Variants in PRKCH observed in about 807,000 individuals in gnomAD.
The protein encoded by PRKCH is protein kinase C eta, also known as protein kinase C eta type.
PRKCH carries 28 observed loss-of-function variants against 82.5 expected under a neutral mutation model. The observed-to-expected ratio is 0.34, with a 90% confidence interval of 0.25 to 0.47. PRKCH has a LOEUF of 0.47. PRKCH is among the 20% of genes least tolerant of loss of function. The pLI, the probability that PRKCH is intolerant of heterozygous loss-of-function variation, is 1.00. For missense variants in PRKCH, 705 were observed against 881.8 expected (o/e 0.80, Z 2.54); for synonymous variants, 322 against 327.4 (o/e 0.98, Z 0.18).
intron 9 of PRKCH, among the ~76,000 whole-genome samples, chr14:61,461,182 G>A (rs1212273110): frequency 6.6e-6 from 1 of 152,152 alleles, no homozygotes; most frequent in Non-Finnish European, 1.5e-5. Flanking sequence ...CCCTCTGCTG[G>A]ATTGGTCCTT....
At chr14:61,385,766 C>G (rs1176177819) in intron 1 of PRKCH, among the ~76,000 whole-genome samples, 2 of 152,148 alleles carry the variant, frequency 1.3e-5, no homozygotes, top group South Asian at 4.1e-4. Flanking sequence ...TTTATTTACT[C>G]ATTTGTTCCA....
chr14:61,496,055 G>A (rs1886654805), intron 10 of PRKCH, among the ~76,000 whole-genome samples: 1 of 152,194 alleles, frequency 6.6e-6, no homozygotes, highest in Non-Finnish European at 1.5e-5. Flanking sequence ...AGTCCTTGGA[G>A]GGAGAGTGCG....
intron 12 of PRKCH, 122 bp from the exon 13 acceptor site, chr14:61,547,621 A>G (rs2043275105): frequency 8.0e-7 from 1 of 1,254,652 alleles, no homozygotes; most frequent in Middle Eastern, 2.0e-4. Context: ...AAACCCAGCT[A>G]GTTAAGCAAG....
intron 1 of PRKCH, among the ~76,000 whole-genome samples, chr14:61,334,484 G>T (rs576849148): frequency 3.3e-5 from 5 of 152,180 alleles, no homozygotes; most frequent in South Asian, 4.1e-4. Flanking sequence ...TGCACAGAGC[G>T]GGTGACAATT....
Position 61,248,832 on chromosome 14 carries a change from C to G in PRKCH, c.-19+61164C>G, listed in dbSNP as rs1028118729. Among the ~76,000 whole-genome samples the G allele has an allele frequency of 5.9e-4, 90 of 151,600 alleles. 1 individual carries two copies. The highest frequency in any genetic ancestry group is 4.6e-4 in the Non-Finnish European group (31 of 67,950). ...TGTGTATGTATTTAGAGACAGCATC[C>G]CACACTGTTGCCCAGGCTGAGTGCA... On this transcript the variant is annotated intron_variant, in intron 1 of 3. Coordinates refer to the PRKCH transcript ENST00000555185.
At chr14:61,533,456 GAAAA>G (rs1280032720) in intron 12 of PRKCH, among the ~76,000 whole-genome samples, 3 of 151,994 alleles carry the variant, frequency 2.0e-5, no homozygotes, top group African/African-American at 7.3e-5. Context: ...TGATCAAAGA[GAAAA>G]AAGAAATGTT....
chr14:61,340,491 G>A (rs2045918269), intron 1 of PRKCH, among the ~76,000 whole-genome samples: 6 of 152,090 alleles, frequency 3.9e-5, no homozygotes, highest in Admixed American at 3.9e-4. Flanking sequence ...ATATGCCAAG[G>A]ACTTCCAAAG....
At chr14:61,199,804 G>T (rs1310636700) in intron 1 of PRKCH, among the ~76,000 whole-genome samples, 1 of 152,062 alleles carries the variant, frequency 6.6e-6, no homozygotes, top group Non-Finnish European at 1.5e-5. Context: ...GGAAAGTTTG[G>T]CATTAAACTT....
At chr14:61,463,476 C>G (rs1294205565) in intron 9 of PRKCH, 2 of 150,968 alleles carry the variant, frequency 1.3e-5, no homozygotes, top group Non-Finnish European at 2.9e-5. Context: ...AGATTATTTC[C>G]CCTTTTTTTT....
At chr14:61,409,591 C>T (rs751874545) in intron 2 of PRKCH, among the ~76,000 whole-genome samples, 2 of 149,382 alleles carry the variant, frequency 1.3e-5, no homozygotes, top group Non-Finnish European at 3.0e-5. Context: ...TTCCCAGTTA[C>T]TTGGGAGGCA....
At chr14:61,491,085 A>G (rs931451337) in intron 10 of PRKCH, among the ~76,000 whole-genome samples, 2 of 151,992 alleles carry the variant, frequency 1.3e-5, no homozygotes, top group African/African-American at 4.8e-5. Flanking sequence ...ACTCCTCAGT[A>G]TTTCTTATCA....
At chr14:61,398,064 A>G (rs1279606498) in intron 2 of PRKCH, among the ~76,000 whole-genome samples, 2 of 152,250 alleles carry the variant, frequency 1.3e-5, no homozygotes, top group Non-Finnish European at 2.9e-5. Flanking sequence ...TCCCCTAGGC[A>G]CTGAGGCAGA....
upstream of PRKCH, among the ~76,000 whole-genome samples, chr14:61,318,189 T>C (rs1183350662): frequency 1.3e-5 from 2 of 151,906 alleles, no homozygotes; most frequent in African/African-American, 4.8e-5. Flanking sequence ...TCCTCCTGCC[T>C]CAGCATCCGA....
At chr14:61,212,894 G>T (rs2044592790) in intron 1 of PRKCH, among the ~76,000 whole-genome samples, 1 of 152,192 alleles carries the variant, frequency 6.6e-6, no homozygotes, top group Non-Finnish European at 1.5e-5. Context: ...ACATTTTCCA[G>T]TTGTCTCAGA....
intron 10 of PRKCH, among the ~76,000 whole-genome samples, chr14:61,500,333 G>A (rs1464846041): frequency 1.3e-5 from 2 of 151,710 alleles, no homozygotes; most frequent in Non-Finnish European, 2.9e-5. Flanking sequence ...AAGTATCTGG[G>A]ACTACAAGTG....
At chr14:61,252,074 G>A (rs559389910) in intron 1 of PRKCH, among the ~76,000 whole-genome samples, 1 of 152,088 alleles carries the variant, frequency 6.6e-6, no homozygotes, top group Non-Finnish European at 1.5e-5. Context: ...TCCTGACCTC[G>A]TGATCTGCCT....
intron 1 of PRKCH, among the ~76,000 whole-genome samples, chr14:61,337,955 T>C (rs777293364): frequency 1.3e-5 from 2 of 152,248 alleles, no homozygotes; most frequent in Non-Finnish European, 2.9e-5. Flanking sequence ...GTTAGCTCTT[T>C]GGTTGTGCCA....
chr14:61,523,161 G>A (rs1453949966), intron 10 of PRKCH, among the ~76,000 whole-genome samples: 6 of 152,108 alleles, frequency 3.9e-5, no homozygotes, highest in African/African-American at 1.4e-4. Context: ...CAAATGATCT[G>A]CACATTTGAC....
At chr14:61,428,783 G>A (rs551861065) in intron 2 of PRKCH, among the ~76,000 whole-genome samples, 1 of 152,130 alleles carries the variant, frequency 6.6e-6, no homozygotes, top group Non-Finnish European at 1.5e-5. Flanking sequence ...TATCAATCAC[G>A]GAAAGTATTC....
Sources: allele counts gnomAD v4.1 joint callset (sites outside exome capture counted in the v4.1 genomes callset), GRCh38; gene constraint gnomAD v4.1.1; transcripts MANE v1.5; gene names NCBI Gene and HGNC (gene_info 2026-07-23, HGNC 2026-07-21).